SLC38A11: variants seen among roughly 807,000 people sequenced by gnomAD.
SLC38A11 encodes the protein putative sodium-coupled neutral amino acid transporter 11.
SLC38A11 carries 51 observed loss-of-function variants against 49.4 expected under a neutral mutation model. The observed-to-expected ratio is 1.03, with a 90% CI of 0.83 to 1.30. The LOEUF (loss-of-function observed/expected upper bound fraction) is 1.30. SLC38A11 is among the 50% of genes most tolerant of loss of function. The pLI is 0.00. For synonymous variants in SLC38A11, 203 were observed against 192.9 expected, an observed-to-expected ratio of 1.05 and a Z score of -0.43; for missense variants, 574 against 556.2, an observed-to-expected ratio of 1.03 and a Z score of -0.32.
intron 3 of SLC38A11, chr2:164,950,149 T>C (rs900547501): frequency 4.6e-5 from 7 of 152,214 alleles, no homozygotes; most frequent in Non-Finnish European, 1.0e-4. Context: ...TGTTCATGTT[T>C]TACTTTTTTG....
chr2:164,896,394 G>T lies in SLC38A11; in HGVS notation c.*2043C>A, dbSNP rs1301512214. 2 of 152,094 alleles carry T rather than the reference G, an allele frequency of 1.3e-5. No homozygotes were observed. Among genetic ancestry groups the T allele is most frequent in the Non-Finnish European group, 2.9e-5 (2 of 68,008 alleles). The allele number at this position is 152,094 out of a possible 1,614,324, so 9.4% of individuals were successfully genotyped here. ...AGCAACACCAAAGTACAAGATAAGA[G>T]ATGGTTACGTGCTAAATTATGTTAT... On this transcript the variant is annotated 3_prime_UTR_variant, in exon 12 of 12. Coordinates refer to ENST00000685975, the MANE Select transcript of SLC38A11 (RefSeq NM_001351537.2).
intron 11 of SLC38A11, 26 bp from the exon 12 acceptor site, chr2:164,898,756 A>AT (rs754051645): frequency 6.3e-7 from 1 of 1,589,364 alleles, no homozygotes; most frequent in East Asian, 2.3e-5. Context: ...AAGAAACAAG[A>AT]TAATGTCACT....
In SLC38A11 at chr2:164,926,566, A is replaced by G. The variant is rs907024651; in HGVS notation, c.618-10593T>C. Among the ~76,000 whole-genome samples the G allele has an allele frequency of 5.3e-5, 8 of 152,196 alleles. No individual in the cohort carries two copies. In the East Asian group the frequency reaches 7.8e-4, roughly 15 times the overall value. ...CTGCTATAAAGACACATGCACACGT[A>G]TGTTTACTGCAACACTATTCACAAT... On this transcript the variant is annotated intron_variant, in intron 7 of 11. Coordinates refer to ENST00000685975, the MANE Select transcript of SLC38A11 (RefSeq NM_001351537.2).
chr2:164,943,134 T>C (rs570093611), intron 5 of SLC38A11, among the ~76,000 whole-genome samples: 29 of 152,270 alleles, frequency 1.9e-4, no homozygotes, highest in South Asian at 1.0e-3. Flanking sequence ...ATAGCAACCA[T>C]AGAGAGTTTC....
At chr2:164,947,115 CTCTT>C (rs1688167235) in intron 3 of SLC38A11, among the ~76,000 whole-genome samples, 1 of 63,078 alleles carries the variant, frequency 1.6e-5, no homozygotes, top group Non-Finnish European at 2.9e-5. Flanking sequence ...ACTTTTTTAT[CTCTT>C]TTTTTTTTTT....
chr2:164,928,190 T>C (rs934539255), intron 7 of SLC38A11, among the ~76,000 whole-genome samples: 11 of 152,212 alleles, frequency 7.2e-5, no homozygotes, highest in African/African-American at 2.7e-4. Flanking sequence ...GTAGGCAATC[T>C]TCCTGGTAAA....
At chr2:164,930,655 G>A (rs571488415) in intron 7 of SLC38A11, among the ~76,000 whole-genome samples, 3 of 152,046 alleles carry the variant, frequency 2.0e-5, no homozygotes, top group Non-Finnish European at 2.9e-5. Flanking sequence ...AGACAAAAAC[G>A]ATATGATTAT....
intron 11 of SLC38A11, among the ~76,000 whole-genome samples, chr2:164,905,527 T>G (rs1270927759): frequency 3.9e-5 from 6 of 152,186 alleles, no homozygotes; most frequent in Non-Finnish European, 8.8e-5. Context: ...GACATGATGC[T>G]TGATTTGGCT....
chr2:164,898,838 G>C, intron 11 of SLC38A11, 108 bp from the exon 12 acceptor site: 1 of 1,035,082 alleles, frequency 9.7e-7, no homozygotes, highest in Non-Finnish European at 1.4e-6. Flanking sequence ...TGTTAAACAT[G>C]TGATAGGTTC....
intron 3 of SLC38A11, among the ~76,000 whole-genome samples, chr2:164,946,576 A>C (rs1688125208): frequency 6.6e-6 from 1 of 151,890 alleles, no homozygotes; most frequent in Non-Finnish European, 1.5e-5. Context: ...AAAAAAAAAA[A>C]AAAAAAAAAT....
chr2:164,930,063 G>A (rs1221925985), intron 7 of SLC38A11, among the ~76,000 whole-genome samples: 2 of 151,424 alleles, frequency 1.3e-5, no homozygotes, highest in Non-Finnish European at 2.9e-5. Flanking sequence ...AAAACGACAA[G>A]GGGAATATTA....
chr2:164,894,907 G>A lies in SLC38A11; in HGVS notation c.*3530C>T, dbSNP rs537303129. Among the ~76,000 whole-genome samples the A allele has an allele frequency of 1.2e-4, 19 of 152,058 alleles. No homozygotes were observed. The highest frequency in any genetic ancestry group is 3.9e-4 in the African/African-American group (16 of 41,480). On this transcript the variant is annotated 3_prime_UTR_variant, in exon 12 of 12. Coordinates refer to ENST00000685975, the MANE Select transcript of SLC38A11 (RefSeq NM_001351537.2). ...GGTATTCCTACATCTTGCTTGTATT[G>A]TGTCCCAGCCTCTAAACAGATGGCT...
intron 7 of SLC38A11, among the ~76,000 whole-genome samples, chr2:164,925,221 T>C (rs1273863517): frequency 6.6e-6 from 1 of 152,142 alleles, no homozygotes; most frequent in Non-Finnish European, 1.5e-5. Context: ...TGGTGTTAAC[T>C]GTGTTTACCT....
intron 11 of SLC38A11, among the ~76,000 whole-genome samples, chr2:164,900,850 A>C: frequency 7.4e-6 from 1 of 135,944 alleles, no homozygotes; most frequent in Non-Finnish European, 1.7e-5. Flanking sequence ...CTGAGCTTTT[A>C]GTGTGATATT....
rs1271523271 is a variant in SLC38A11 at position 164,915,138 on chromosome 2, T to C, written c.824A>G (p.Tyr275Cys). Residue 275 changes from tyrosine (Y) to cysteine (C), a missense_variant, in exon 9 of 12, where the codon TAC (tyrosine) becomes TGC (cysteine). Physicochemically the swap from Tyr to Cys is radical, Grantham distance 194. Coordinates refer to ENST00000685975, the MANE Select transcript of SLC38A11 (RefSeq NM_001351537.2). The stretch of plus-strand genomic sequence containing the variant: ...TTGGGTGAAGCCAGTAAATGTCAAG[T>C]ATCCACATGTAGCAAAGAATATACA... Reference protein sequence around the residue: ...FICIFFATCGYLTFTGFTQGD... With the variant: ...FICIFFATCGCLTFTGFTQGD... 12 of 1,608,836 alleles carry C rather than the reference T, an allele frequency of 7.5e-6. No homozygotes were observed. In the East Asian group the frequency reaches 2.7e-4, roughly 36 times the overall value.
At chr2:164,917,573 A>G (rs866440453) in intron 7 of SLC38A11, among the ~76,000 whole-genome samples, 1 of 152,288 alleles carries the variant, frequency 6.6e-6, no homozygotes. Flanking sequence ...TGGAAAAAAT[A>G]CATATTTTGT....
intron 6 of SLC38A11, among the ~76,000 whole-genome samples, chr2:164,939,118 C>T (rs13019962): frequency 0.069 from 10,455 of 151,962 alleles, 396 homozygotes; most frequent in Admixed American, 0.1. Flanking sequence ...TTGTTTAAAC[C>T]ACCTACACAA....
intron 11 of SLC38A11, among the ~76,000 whole-genome samples, chr2:164,907,505 A>G (rs954715920): frequency 2.6e-5 from 4 of 152,046 alleles, no homozygotes; most frequent in Non-Finnish European, 5.9e-5. Context: ...GGCTCAAGCA[A>G]TCCATCCACT....
rs1391492613 is a variant in SLC38A11, at chr2:164,955,241, A to T, written c.7T>A (p.Tyr3Asn). The T allele has an allele frequency of 1.9e-6, 3 of 1,550,528 alleles. No homozygotes were observed. Among genetic ancestry groups the T allele is most frequent in the Non-Finnish European group, 2.6e-6 (3 of 1,146,980 alleles). The change falls in exon 1 of 12, where the codon TAC (tyrosine) becomes AAC (asparagine). Residue 3 changes from tyrosine (Y) to asparagine (N), a missense_variant. Transcript: ENST00000685975. MG[Y>N]QRQEPVIPPQ... ...GGGATGACAGGCTCCTGCCTCTGGT[A>T]GCCCATGGCTGAGCGGTGGTCCTCA...
Sources: allele counts gnomAD v4.1 joint callset (sites outside exome capture counted in the v4.1 genomes callset), GRCh38; gene constraint gnomAD v4.1.1; transcripts MANE v1.5; gene names NCBI Gene and HGNC (gene_info 2026-07-23, HGNC 2026-07-21).